DLG2: variants seen among roughly 807,000 people sequenced by gnomAD.
DLG2 encodes discs large MAGUK scaffold protein 2.
DLG2 carries 45 observed loss-of-function variants against 132.5 expected under a neutral mutation model. The observed-to-expected ratio is 0.34, with a 90% CI of 0.27 to 0.44. The LOEUF (loss-of-function observed/expected upper bound fraction) is 0.44, where lower values mean the gene tolerates loss of function less well. DLG2 is among the 20% of genes least tolerant of loss of function. DLG2 has a pLI of 1.00. For synonymous variants in DLG2, 424 were observed against 419.6 expected, an observed-to-expected ratio of 1.01 and a Z score of -0.13; for missense variants, 1,045 against 1,196.9, an observed-to-expected ratio of 0.87 and a Z score of 1.87.
intron 7 of DLG2, among the ~76,000 whole-genome samples, chr11:84,307,570 C>T (rs1346646049): frequency 6.6e-6 from 1 of 151,952 alleles, no homozygotes; most frequent in Admixed American, 6.6e-5. Flanking sequence ...GTGAAGGGCG[C>T]CTGTAGTCCC....
chr11:84,422,437 A>C (rs1343584786), intron 7 of DLG2, among the ~76,000 whole-genome samples: 2 of 152,194 alleles, frequency 1.3e-5, no homozygotes, highest in Admixed American at 6.5e-5. Context: ...AATCCTCTTG[A>C]AAAATTTTCT....
intron 19 of DLG2, among the ~76,000 whole-genome samples, chr11:83,570,516 T>C (rs1246758190): frequency 6.6e-6 from 1 of 152,128 alleles, no homozygotes; most frequent in Non-Finnish European, 1.5e-5. Context: ...ATCAATTTCC[T>C]TTATCATTTT....
chr11:84,921,127 A>G (rs763758203), intron 6 of DLG2, among the ~76,000 whole-genome samples: 1 of 152,184 alleles, frequency 6.6e-6, no homozygotes, highest in African/African-American at 2.4e-5. Context: ...ATAGATAAAA[A>G]TATTAGATGA....
intron 6 of DLG2, among the ~76,000 whole-genome samples, chr11:85,070,103 T>C (rs1297184717): frequency 6.6e-6 from 1 of 151,524 alleles, no homozygotes; most frequent in Non-Finnish European, 1.5e-5. Flanking sequence ...AATTGAACAA[T>C]GAGAACACAT....
Position 83,463,405 on chromosome 11 carries a change from G to A in DLG2, c.2730-1312C>T, listed in dbSNP as rs76104117. 7.7e-3 allele frequency among the ~76,000 whole-genome samples: 1,170 copies of A among 152,314 alleles called. 10 individuals carry two copies. The highest frequency in any genetic ancestry group is 0.027 in the African/African-American group (1,102 of 41,574). ...CCAAACAGTCTCAGCTGTACATGCT[G>A]TGAATGGATGTTACTCGTGGGTGGA... On this transcript the variant is annotated intron_variant, in intron 26 of 27. Coordinates refer to ENST00000376104, the MANE Select transcript of DLG2 (RefSeq NM_001142699.3).
At chr11:84,431,237 C>G (rs182951271) in intron 7 of DLG2, among the ~76,000 whole-genome samples, 1 of 151,932 alleles carries the variant, frequency 6.6e-6, no homozygotes, top group East Asian at 1.9e-4. Flanking sequence ...ATATAGTATA[C>G]GCAAACATAC....
rs1235832702 is a variant in DLG2, at chr11:85,184,382, T to C, written c.187-29731A>G. Reference sequence around the variant, plus strand: ...TTTTTAGGAACAGGTGTGCATAGATTAGGAATTTCTATTATGCCAAGGTTT... The same window carrying C: ...TTTTTAGGAACAGGTGTGCATAGATCAGGAATTTCTATTATGCCAAGGTTT... On this transcript the variant is annotated intron_variant, in intron 4 of 27. Coordinates refer to ENST00000376104, the MANE Select transcript of DLG2 (RefSeq NM_001142699.3). Among the ~76,000 whole-genome samples the C allele has an allele frequency of 3.3e-5, 5 of 151,534 alleles. No homozygotes were observed. The East Asian group carries it at 9.7e-4, about 29-fold the overall frequency.
chr11:83,794,841 T>C (rs1286602132), intron 17 of DLG2, among the ~76,000 whole-genome samples: 1 of 152,152 alleles, frequency 6.6e-6, no homozygotes, highest in Non-Finnish European at 1.5e-5. Context: ...TTTAATATCC[T>C]GTCTAATTCC....
At chr11:84,119,092 C>A (rs928967415) in intron 9 of DLG2, among the ~76,000 whole-genome samples, 2 of 151,964 alleles carry the variant, frequency 1.3e-5, no homozygotes. Flanking sequence ...TTTGTGCATG[C>A]AGCTCCTTCT....
At chr11:85,122,486 TAGTGG>T (rs2074437306) in intron 5 of DLG2, among the ~76,000 whole-genome samples, 1 of 152,020 alleles carries the variant, frequency 6.6e-6, no homozygotes, top group African/African-American at 2.4e-5. Context: ...GCATGAAAGG[TAGTGG>T]GATCTGAGAT....
At chr11:83,853,577 A>C (rs986849730) in intron 16 of DLG2, among the ~76,000 whole-genome samples, 4 of 152,152 alleles carry the variant, frequency 2.6e-5, no homozygotes, top group African/African-American at 7.2e-5. Context: ...TTGTACAATA[A>C]AAATTTATTT....
At position 85,055,046 on chromosome 11, in the gene DLG2, G is replaced by A. The variant is rs192473215; in HGVS notation, c.357+56615C>T. On this transcript the variant is annotated intron_variant, in intron 6 of 27. Transcript: ENST00000376104. ...TAAAAATAAAAACAATCTAAATTTG[G>A]CAGCACAATATTTAGAATAAAGAAC... Among the ~76,000 whole-genome samples, 4 of 152,138 alleles carry A rather than the reference G, an allele frequency of 2.6e-5. No homozygotes were observed. The East Asian group carries it at 7.7e-4, about 29-fold the overall frequency.
intron 19 of DLG2, among the ~76,000 whole-genome samples, chr11:83,560,381 G>A (rs1207503541): frequency 2.6e-5 from 4 of 152,164 alleles, no homozygotes; most frequent in Non-Finnish European, 5.9e-5. Context: ...GCCTCCCAAA[G>A]TGCTGGGATT....
intron 7 of DLG2, among the ~76,000 whole-genome samples, chr11:84,401,415 G>C (rs1034087690): frequency 6.6e-6 from 1 of 151,898 alleles, no homozygotes; most frequent in African/African-American, 2.4e-5. Flanking sequence ...TCTTCAATGC[G>C]GACAAGGGCT....
chr11:84,799,658 A>G (rs1445958431), intron 6 of DLG2, among the ~76,000 whole-genome samples: 2 of 152,180 alleles, frequency 1.3e-5, no homozygotes, highest in African/African-American at 4.8e-5. Flanking sequence ...TAGAGGAAAG[A>G]TAATTTTGAG....
At chr11:84,143,434 C>A (rs1225111734) in intron 9 of DLG2, among the ~76,000 whole-genome samples, 1 of 152,176 alleles carries the variant, frequency 6.6e-6, no homozygotes, top group Non-Finnish European at 1.5e-5. Context: ...TAAATGACTA[C>A]ATGTGCATTT....
At chr11:84,520,802 A>C (rs2154516602) in intron 7 of DLG2, among the ~76,000 whole-genome samples, 1 of 152,300 alleles carries the variant, frequency 6.6e-6, no homozygotes, top group South Asian at 2.1e-4. Context: ...ATTCAAGCCA[A>C]CAAAGGATAA....
At chr11:83,714,775 C>G (rs951369965) in intron 18 of DLG2, among the ~76,000 whole-genome samples, 3 of 152,130 alleles carry the variant, frequency 2.0e-5, no homozygotes, top group African/African-American at 7.2e-5. Context: ...GCACAGCATG[C>G]AGGTTTGTTA....
chr11:85,423,037 G>T (rs186910687), intron 3 of DLG2, among the ~76,000 whole-genome samples: 1 of 152,182 alleles, frequency 6.6e-6, no homozygotes. Flanking sequence ...TGTTACTAGA[G>T]TTGGTTTTTT....
Sources: gnomAD v4.1 joint callset for allele counts (sites outside exome capture counted in the v4.1 genomes callset) on GRCh38, gnomAD v4.1.1 for gene constraint, MANE v1.5 for transcripts, NCBI Gene and HGNC (gene_info 2026-07-23, HGNC 2026-07-21) for gene names.